Variants in CEP55 observed in about 807,000 individuals in gnomAD.
CEP55 encodes centrosomal protein 55, also known as centrosomal protein of 55 kDa.
CEP55 carries 57 observed loss-of-function variants against 63.2 expected under a neutral mutation model. The observed-to-expected ratio is 0.90, with a 90% confidence interval of 0.73 to 1.13. CEP55 has a LOEUF of 1.13. Among genes scored for constraint, CEP55 ranks in the 50% most tolerant of loss-of-function variants. The probability of loss-of-function intolerance (pLI) is 0.00; values close to 1 mark genes in which losing one functional copy is unlikely to be tolerated. For missense variants in CEP55, 456 were observed against 518.9 expected (o/e 0.88, Z 1.18); for synonymous variants, 178 against 191.6 (o/e 0.93, Z 0.59).
chr10:93,505,800 T>C (rs1488545909), intron 3 of CEP55, among the ~76,000 whole-genome samples: 1 of 152,184 alleles, frequency 6.6e-6, no homozygotes, highest in Non-Finnish European at 1.5e-5. Context: ...AGAGAAATAA[T>C]TTTTGAGTTC....
chr10:93,499,613 C>A (rs986556414), intron 1 of CEP55, among the ~76,000 whole-genome samples: 8 of 151,464 alleles, frequency 5.3e-5, no homozygotes, highest in African/African-American at 1.2e-4. Context: ...CCTCCACCTC[C>A]CGGGCTCAAG....
intron 8 of CEP55, among the ~76,000 whole-genome samples, chr10:93,521,256 G>C (rs1277034019): frequency 6.6e-6 from 1 of 152,098 alleles, no homozygotes; most frequent in African/African-American, 2.4e-5. Flanking sequence ...CTAATACTGC[G>C]CTATTCCGAC....
intron 1 of CEP55, 116 bp from the exon 2 acceptor site, chr10:93,499,924 C>G (rs1161099507): frequency 1.6e-6 from 1 of 644,714 alleles, no homozygotes; most frequent in African/African-American, 1.9e-5. Context: ...TTCTCCATAC[C>G]CTGCTGGTTT....
intron 5 of CEP55, among the ~76,000 whole-genome samples, chr10:93,515,825 T>A (rs867539716): frequency 6.6e-6 from 1 of 152,194 alleles, no homozygotes; most frequent in Non-Finnish European, 1.5e-5. Context: ...TTCCCCTTTT[T>A]CAAAGTCCTT....
At chr10:93,519,401 C>G (rs1387702822) in intron 7 of CEP55, among the ~76,000 whole-genome samples, 1 of 152,182 alleles carries the variant, frequency 6.6e-6, no homozygotes, top group African/African-American at 2.4e-5. Flanking sequence ...TCCTTCTTCC[C>G]CCTTAAAAAA....
intron 1 of CEP55, among the ~76,000 whole-genome samples, chr10:93,498,142 C>CCA (rs538289425): frequency 7.3e-6 from 1 of 136,792 alleles, no homozygotes; most frequent in Non-Finnish European, 1.6e-5. Flanking sequence ...CCGCCCCCGC[C>CCA]AAAAAAAAAA....
chr10:93,523,531 G>A (rs183951122), intron 8 of CEP55, among the ~76,000 whole-genome samples: 4 of 152,184 alleles, frequency 2.6e-5, no homozygotes, highest in Admixed American at 2.0e-4. Context: ...ACAGATCCAC[G>A]AGACAGAAAG....
At chr10:93,521,767 C>CAGCA (rs1227890693) in intron 8 of CEP55, among the ~76,000 whole-genome samples, 1 of 152,196 alleles carries the variant, frequency 6.6e-6, no homozygotes, top group Non-Finnish European at 1.5e-5. Context: ...AGCAATCAGG[C>CAGCA]AGCAACATTT....
chr10:93,521,076 T>G (rs1341721837), intron 8 of CEP55, among the ~76,000 whole-genome samples: 1 of 152,096 alleles, frequency 6.6e-6, no homozygotes, highest in African/African-American at 2.4e-5. Flanking sequence ...ACTGAGGTAC[T>G]GGGTTCATCT....
At chr10:93,511,727 G>A (rs758910763) in intron 4 of CEP55, among the ~76,000 whole-genome samples, 13 of 151,672 alleles carry the variant, frequency 8.6e-5, no homozygotes, top group Middle Eastern at 3.2e-3. Context: ...CTCAGCGTCC[G>A]GAGTAGCTGG....
rs1037652835 is a variant in CEP55, at chr10:93,517,357, C to T, written c.993+109C>T. ...CTAGGGACAAAACAAATTCCTGCCC[C>T]TCATGGGAGTTATATTCCAGAACAG... On this transcript the variant is annotated intron_variant, in intron 6 of 8. Coordinates refer to ENST00000371485, the MANE Select transcript of CEP55 (RefSeq NM_018131.5). The T allele has an allele frequency of 1.9e-5, 15 of 773,248 alleles. No homozygotes were observed. The African/African-American group carries it at 2.4e-4, about 13-fold the overall frequency. The allele number at this position is 773,248 out of a possible 1,614,324, so 47.9% of individuals were successfully genotyped here. A position where few individuals can be genotyped will look rare whatever the true frequency, so the allele number is the denominator to read the frequency against.
At chr10:93,516,335 G>A (rs1182740647) in intron 5 of CEP55, among the ~76,000 whole-genome samples, 1 of 152,134 alleles carries the variant, frequency 6.6e-6, no homozygotes. Context: ...AAATGTCTCT[G>A]GAGGCACTTC....
chr10:93,522,946 C>T (rs183148307), intron 8 of CEP55, among the ~76,000 whole-genome samples: 2 of 152,216 alleles, frequency 1.3e-5, no homozygotes, highest in African/African-American at 2.4e-5. Context: ...AAGCACTAAA[C>T]GTGGAAAGGA....
chr10:93,520,026 C>A, intron 8 of CEP55: 2 of 562,358 alleles, frequency 3.6e-6, no homozygotes, highest in Non-Finnish European at 3.2e-6. Context: ...CCCAACTACC[C>A]CAGCTGCTGT....
rs553035812 is a variant in CEP55, at chr10:93,502,121, C to T, written c.184-992C>T. Among the ~76,000 whole-genome samples the T allele has an allele frequency of 1.7e-3, 263 of 151,928 alleles. 2 individuals are homozygous for T. In the Middle Eastern group the frequency reaches 0.027, roughly 16 times the overall value. On this transcript the variant is annotated intron_variant, in intron 2 of 8. Coordinates refer to ENST00000371485, the MANE Select transcript of CEP55 (RefSeq NM_018131.5). The stretch of plus-strand genomic sequence containing the variant: ...AGCTCATATTCTTCAGCTTTTCTGG[C>T]TTCTTATCATCTTGAATAGTTTTTA...
chr10:93,527,948 A>G lies in CEP55; in HGVS notation c.1192-2A>G, dbSNP rs2057941004. On this transcript the variant is annotated splice_acceptor_variant, in intron 8 of 8. Transcript: ENST00000371485. LOFTEE classifies it high-confidence loss of function. ...TTCTATTATTTGAAACTTATTTTTC[A>G]GAAACAGCTTCATGAGTTTGCCATC... The G allele has an allele frequency of 1.2e-6, 2 of 1,609,908 alleles. No homozygotes were observed. The highest frequency in any genetic ancestry group is 1.7e-6 in the Non-Finnish European group (2 of 1,178,704).
rs2134458619 is a variant in CEP55 at position 93,503,271 on chromosome 10, G to A, written c.342G>A (p.Arg114=). The A allele has an allele frequency of 6.2e-7, 1 of 1,607,512 alleles. No individual in the cohort carries two copies. The highest frequency in any genetic ancestry group is 8.5e-7 in the Non-Finnish European group (1 of 1,174,114). ...AGACAACGAGAGAAGGAGAAAGGAGGGAGCAGGTGTTGAAAGCCTTATCTG... is the reference window on the plus strand; with the variant it reads ...AGACAACGAGAGAAGGAGAAAGGAGAGAGCAGGTGTTGAAAGCCTTATCTG... The part of the protein sequence containing the change: ...LEETTREGER[R]EQVLKALSEE... The change falls in exon 3 of 9, where the codon AGG becomes AGA. Residue 114 remains arginine (R), a synonymous_variant. Transcript: ENST00000371485.
intron 2 of CEP55, 90 bp downstream of exon 2, chr10:93,500,324 G>A (rs1172548269): frequency 5.5e-6 from 6 of 1,094,222 alleles, no homozygotes; most frequent in East Asian, 4.8e-5. Context: ...CTCTTGCCGT[G>A]TTCCCTGTCT....
At chr10:93,513,514 C>T (rs1013446152) in intron 4 of CEP55, among the ~76,000 whole-genome samples, 2 of 152,194 alleles carry the variant, frequency 1.3e-5, no homozygotes, top group Admixed American at 6.5e-5. Context: ...CTTATGTCCT[C>T]TTCATTGTGG....
Sources: gnomAD v4.1 joint callset for allele counts (sites outside exome capture counted in the v4.1 genomes callset) on GRCh38, gnomAD v4.1.1 for gene constraint, MANE v1.5 for transcripts, NCBI Gene and HGNC (gene_info 2026-07-23, HGNC 2026-07-21) for gene names.